Variants in DISP1 observed in about 807,000 individuals in gnomAD.
DISP1 encodes dispatched RND transporter family member 1.
In DISP1, 30 loss-of-function variants were observed where a neutral mutation model predicts 37.3. The observed-to-expected ratio is 0.80, with a 90% CI of 0.60 to 1.09. The LOEUF is 1.09. Ranked by LOEUF, DISP1 falls within the 50% of genes least tolerant of loss-of-function variation. DISP1 has a pLI of 0.00. For missense variants in DISP1, 1,598 were observed against 1,879.5 expected, an observed-to-expected ratio of 0.85 and a Z score of 2.77; for synonymous variants, 634 against 690.2, an observed-to-expected ratio of 0.92 and a Z score of 1.28.
intron 1 of DISP1, among the ~76,000 whole-genome samples, chr1:222,921,051 T>A (rs891214765): frequency 6.6e-6 from 1 of 152,220 alleles, no homozygotes; most frequent in African/African-American, 2.4e-5. Flanking sequence ...GGCTCACGCC[T>A]GTAATCCCAG....
chr1:222,943,346 A>G lies in DISP1; in HGVS notation c.509+14A>G, dbSNP rs1674524187. 3 of 1,614,226 alleles carry G rather than the reference A, an allele frequency of 1.9e-6. No homozygotes were observed. The highest frequency in any genetic ancestry group is 2.5e-6 in the Non-Finnish European group (3 of 1,180,042). On this transcript the variant is annotated intron_variant, in intron 3 of 8. Transcript: ENST00000675850. ...AGCCAACATAAGGTAAGTGATCCGA[A>G]AGTTTTGCTTTTAGCATTCAACTAA...
rs147328050 is a variant in DISP1 at position 222,854,213 on chromosome 1, C to T, written c.-159+39135C>T. Among the ~76,000 whole-genome samples, 367 of 152,248 alleles carry T rather than the reference C, an allele frequency of 2.4e-3. 1 individual carries two copies. The highest frequency in any genetic ancestry group is 8.3e-3 in the African/African-American group (343 of 41,564). ...ACAAGACTGAATCATAGAAGCTAGG[C>T]GTCTTAGTCCGTTCTCATGCTGCTG... On this transcript the variant is annotated intron_variant, in intron 1 of 8. Coordinates refer to ENST00000675850, the MANE Select transcript of DISP1 (RefSeq NM_001377229.1).
At chr1:222,988,204 A>G (rs1678412725) in intron 4 of DISP1, among the ~76,000 whole-genome samples, 1 of 152,224 alleles carries the variant, frequency 6.6e-6, no homozygotes, top group South Asian at 2.1e-4. Context: ...ATAATGTTCA[A>G]ACTTAGAACC....
At chr1:222,985,539 A>G (rs1678213461) in intron 4 of DISP1, among the ~76,000 whole-genome samples, 1 of 152,130 alleles carries the variant, frequency 6.6e-6, no homozygotes, top group Non-Finnish European at 1.5e-5. Context: ...AATCCCAGCT[A>G]CTCAGGAGGC....
At chr1:222,869,396 G>C (rs558562950) in intron 1 of DISP1, among the ~76,000 whole-genome samples, 2 of 152,110 alleles carry the variant, frequency 1.3e-5, no homozygotes, top group South Asian at 4.2e-4. Context: ...GAGTGTATTT[G>C]GAATGGAGAA....
chr1:222,907,842 A>G (rs990144291), intron 1 of DISP1, among the ~76,000 whole-genome samples: 5 of 152,254 alleles, frequency 3.3e-5, no homozygotes, highest in African/African-American at 1.2e-4. Context: ...CCAGCTACCC[A>G]GGAGGCTGAG....
At chr1:222,887,720 G>A (rs1252819888) in intron 1 of DISP1, among the ~76,000 whole-genome samples, 3 of 112,004 alleles carry the variant, frequency 2.7e-5, no homozygotes, top group South Asian at 5.9e-4. Context: ...GGATGGTCTC[G>A]ATCTCCTGAC....
Position 222,902,907 on chromosome 1 carries a change from T to C in DISP1, c.-158-25523T>C, listed in dbSNP as rs1452759893. ...AGTCAGTGTGGCGATTCCTCAGGGA[T>C]CTAGAACTAGAAATACCATTTGACC... On this transcript the variant is annotated intron_variant, in intron 1 of 8. Coordinates refer to ENST00000675850, the MANE Select transcript of DISP1 (RefSeq NM_001377229.1). Among the ~76,000 whole-genome samples, 602 of 151,662 alleles carry C rather than the reference T, an allele frequency of 4.0e-3. 9 individuals are homozygous for C. The highest frequency in any genetic ancestry group is 0.013 in the African/African-American group (555 of 41,254).
intron 1 of DISP1, among the ~76,000 whole-genome samples, chr1:222,885,625 C>CCACA (rs1267178167): frequency 6.6e-6 from 1 of 151,974 alleles, no homozygotes; most frequent in African/African-American, 2.4e-5. Flanking sequence ...CAGCTGCTTA[C>CCACA]CACAATACTT....
At chr1:222,926,607 A>G (rs181577863) in intron 1 of DISP1, among the ~76,000 whole-genome samples, 1 of 152,268 alleles carries the variant, frequency 6.6e-6, no homozygotes, top group East Asian at 1.9e-4. Flanking sequence ...TTTTAAAGAT[A>G]TATTTATTGC....
chr1:222,996,657 A>G (rs903729506), intron 8 of DISP1, among the ~76,000 whole-genome samples: 1 of 152,170 alleles, frequency 6.6e-6, no homozygotes, highest in African/African-American at 2.4e-5. Flanking sequence ...TTTAATCCCA[A>G]TGACAGTGTT....
At position 222,984,738 on chromosome 1, in the gene DISP1, CT is replaced by C. The variant is rs539298069; in HGVS notation, c.539+1636del. On this transcript the variant is annotated intron_variant, in intron 4 of 8. Coordinates refer to ENST00000675850, the MANE Select transcript of DISP1 (RefSeq NM_001377229.1). ...CCATCACCACCATCCATTTCCAAAACTTTTTTTCTGTTGTAAAACTGAAATT... is the reference window on the plus strand; with the variant it reads ...CCATCACCACCATCCATTTCCAAAACTTTTTTCTGTTGTAAAACTGAAATT... Among the ~76,000 whole-genome samples, 660 of 152,024 alleles carry C rather than the reference CT, an allele frequency of 4.3e-3. 1 individual carries two copies. The highest frequency in any genetic ancestry group is 0.012 in the African/African-American group (477 of 41,410).
chr1:222,843,396 C>G (rs1388649446), intron 1 of DISP1, among the ~76,000 whole-genome samples: 1 of 151,718 alleles, frequency 6.6e-6, no homozygotes, highest in Admixed American at 6.6e-5. Context: ...TTACATGTAT[C>G]TTATTTACAC....
intron 8 of DISP1, among the ~76,000 whole-genome samples, chr1:222,999,235 T>C (rs1679277931): frequency 6.6e-6 from 1 of 152,122 alleles, no homozygotes; most frequent in Non-Finnish European, 1.5e-5. Flanking sequence ...CCCCTAAACA[T>C]CCATTTTGTG....
chr1:222,838,858 ATC>A (rs1558285652), intron 1 of DISP1, among the ~76,000 whole-genome samples: 1 of 152,122 alleles, frequency 6.6e-6, no homozygotes, highest in South Asian at 2.1e-4. Flanking sequence ...TTATAATTTC[ATC>A]TCTCTCCAAA....
chr1:222,986,454 T>C (rs1404476845), intron 4 of DISP1, among the ~76,000 whole-genome samples: 1 of 152,214 alleles, frequency 6.6e-6, no homozygotes, highest in East Asian at 1.9e-4. Flanking sequence ...GTTTTAACAG[T>C]TATTTCTGAT....
chr1:222,989,921 G>T (rs1377435949), intron 4 of DISP1, among the ~76,000 whole-genome samples: 1 of 151,752 alleles, frequency 6.6e-6, no homozygotes, highest in African/African-American at 2.4e-5. Flanking sequence ...TCCTGCCTCA[G>T]CCTCCCAAGT....
intron 1 of DISP1, among the ~76,000 whole-genome samples, chr1:222,818,208 T>C (rs1661727283): frequency 1.3e-5 from 2 of 152,188 alleles, no homozygotes; most frequent in African/African-American, 4.8e-5. Context: ...TGGTGGGAGC[T>C]GTCTGCTATA....
At chr1:222,912,537 A>T (rs1572492998) in intron 1 of DISP1, among the ~76,000 whole-genome samples, 1 of 151,776 alleles carries the variant, frequency 6.6e-6, no homozygotes, top group Non-Finnish European at 1.5e-5. Context: ...TCCTTTTCCC[A>T]CATTTCCTTT....
Sources: allele counts gnomAD v4.1 joint callset (sites outside exome capture counted in the v4.1 genomes callset), GRCh38; gene constraint gnomAD v4.1.1; transcripts MANE v1.5; gene names NCBI Gene and HGNC (gene_info 2026-07-23, HGNC 2026-07-21).